Variants in CPEB3 observed in about 807,000 individuals in gnomAD.
CPEB3 encodes cytoplasmic polyadenylation element binding protein 3, also known as cytoplasmic polyadenylation element-binding protein 3.
A neutral mutation model predicts 67.2 loss-of-function variants in CPEB3; 20 were observed. The observed-to-expected ratio is 0.30, with a 90% CI of 0.21 to 0.43. The LOEUF (loss-of-function observed/expected upper bound fraction) is 0.43, where lower values mean the gene tolerates loss of function less well. Among genes scored for constraint, CPEB3 ranks in the 20% least tolerant of loss-of-function variants. The pLI is 1.00. For synonymous variants in CPEB3, 376 were observed against 393.1 expected (o/e 0.96, Z 0.51); for missense variants, 746 against 968.6 (o/e 0.77, Z 3.05).
chr10:92,133,754 C>A (rs540353861), intron 6 of CPEB3, among the ~76,000 whole-genome samples: 1 of 152,122 alleles, frequency 6.6e-6, no homozygotes, highest in Non-Finnish European at 1.5e-5. Context: ...AATATGGATG[C>A]GAAAATCCTC....
Position 92,239,856 on chromosome 10 carries a change from CTGCTGGTGG to C in CPEB3, c.486_494del (p.His162_Gln164del). ...GCGGCGCGGGCGCAGGCGGCGGCGG[CTGCTGGTGG>C]TGCTGGGTCTGCGCCAGGCCGATCT... is the stretch of plus-strand genomic sequence containing the variant. On this transcript the variant is annotated inframe_deletion, in exon 2 of 10. Coordinates refer to ENST00000265997, the MANE Select transcript of CPEB3 (RefSeq NM_014912.5). This position sits in a 1 kb window ranked among gnomAD's most constrained non-coding sequence, Gnocchi z 6.0. The C allele has an allele frequency of 6.5e-7, 1 of 1,545,848 alleles. No homozygotes were observed. The highest frequency in any genetic ancestry group is 8.7e-7 in the Non-Finnish European group (1 of 1,147,826).
At chr10:92,214,738 G>A (rs1329800205) in intron 2 of CPEB3, among the ~76,000 whole-genome samples, 5 of 151,882 alleles carry the variant, frequency 3.3e-5, no homozygotes, top group Non-Finnish European at 7.4e-5. Flanking sequence ...CGCCCACCTC[G>A]GCCTCTCAAA....
chr10:92,120,307 G>A (rs56345827), intron 6 of CPEB3, among the ~76,000 whole-genome samples: 57,063 of 147,002 alleles, frequency 0.39, 11,420 homozygotes, highest in African/African-American at 0.52. Context: ...TTGCTAGGCC[G>A]GGCACGGTGG....
intron 1 of CPEB3, among the ~76,000 whole-genome samples, chr10:92,284,888 T>C (rs1469822257): frequency 1.3e-5 from 2 of 152,232 alleles, no homozygotes; most frequent in African/African-American, 4.8e-5. Context: ...GTTTTTTAAC[T>C]ATTCTCCCGA....
chr10:92,223,522 A>G (rs1850798248), intron 2 of CPEB3, among the ~76,000 whole-genome samples: 1 of 146,296 alleles, frequency 6.8e-6, no homozygotes, highest in Non-Finnish European at 1.5e-5. Flanking sequence ...TATTTCCTAC[A>G]TGCAAGTAAT....
intron 1 of CPEB3, among the ~76,000 whole-genome samples, chr10:92,286,278 T>C (rs780547368): frequency 6.6e-6 from 1 of 151,960 alleles, no homozygotes; most frequent in Non-Finnish European, 1.5e-5. Context: ...GTATGTAGAT[T>C]GTATGCCTCT....
Position 92,176,615 on chromosome 10 carries a change from T to C in CPEB3, c.1222+4348A>G, listed in dbSNP as rs1590309998. ...CTATCAAGCAACTTTCCGATATTTA[T>C]CTGTTTTCCCAAGCCCATTTTCTAC... is the stretch of plus-strand genomic sequence containing the variant. On this transcript the variant is annotated intron_variant, in intron 4 of 9. Transcript: ENST00000265997. Among the ~76,000 whole-genome samples the C allele has an allele frequency of 4.6e-5, 7 of 152,380 alleles. 1 individual carries two copies. The South Asian group carries it at 1.4e-3, about 32-fold the overall frequency.
intron 1 of CPEB3, among the ~76,000 whole-genome samples, chr10:92,248,687 AT>A (rs1341870121): frequency 2.0e-5 from 3 of 152,156 alleles, no homozygotes; most frequent in African/African-American, 7.2e-5. Context: ...ATAGAAAACC[AT>A]TTTGGCTTTT....
intron 4 of CPEB3, among the ~76,000 whole-genome samples, chr10:92,168,726 AT>A (rs1199553734): frequency 1.3e-5 from 2 of 150,736 alleles, no homozygotes; most frequent in Non-Finnish European, 2.9e-5. Context: ...CCCTTCTGCC[AT>A]GATTGTAAGT....
chr10:92,196,533 T>A (rs2134206734), intron 2 of CPEB3, among the ~76,000 whole-genome samples: 1 of 151,894 alleles, frequency 6.6e-6, no homozygotes, highest in South Asian at 2.1e-4. Flanking sequence ...CTTCAGGAGG[T>A]CAAGGCGGGT....
chr10:92,109,769 C>T (rs979499393), intron 7 of CPEB3, among the ~76,000 whole-genome samples: 3 of 152,178 alleles, frequency 2.0e-5, no homozygotes, highest in Admixed American at 1.3e-4. Context: ...GTTCTTTCTT[C>T]TGCTTTAAGT....
intron 2 of CPEB3, among the ~76,000 whole-genome samples, chr10:92,205,661 G>A (rs546893984): frequency 6.6e-6 from 1 of 151,812 alleles, no homozygotes; most frequent in African/African-American, 2.4e-5. Flanking sequence ...ATTTTTAGTA[G>A]AGACAGGATT....
chr10:92,109,346 G>A (rs978835627), intron 7 of CPEB3, among the ~76,000 whole-genome samples: 8 of 151,694 alleles, frequency 5.3e-5, no homozygotes, highest in African/African-American at 1.9e-4. Context: ...TCCGCCTCCT[G>A]GGTTCAAGCG....
intron 4 of CPEB3, among the ~76,000 whole-genome samples, chr10:92,149,860 G>A (rs1846876865): frequency 1.3e-5 from 2 of 152,168 alleles, no homozygotes; most frequent in Non-Finnish European, 2.9e-5. Context: ...TGATTCCTAT[G>A]CTCAAGTTTA....
Position 92,051,232 on chromosome 10 carries a change from A to G in CPEB3, c.*980T>C, listed in dbSNP as rs1841887005. 1 of 152,638 alleles carries G rather than the reference A, an allele frequency of 6.6e-6. No individual in the cohort carries two copies. The highest frequency in any genetic ancestry group is 6.5e-5 in the Admixed American group (1 of 15,280). 9.5% of individuals were successfully genotyped at this position (152,638 alleles called of 1,614,324 possible). A position where few individuals can be genotyped will look rare whatever the true frequency, so the allele number is the denominator to read the frequency against. ...TCTTTGAATGAAAAAAACTTTTTTT[A>G]AAAAATGAGTATTTTTATAGCTTAT... On this transcript the variant is annotated 3_prime_UTR_variant, in exon 10 of 10. Transcript: ENST00000265997.
At chr10:92,211,490 A>C (rs774190779) in intron 2 of CPEB3, among the ~76,000 whole-genome samples, 11 of 152,220 alleles carry the variant, frequency 7.2e-5, no homozygotes, top group Non-Finnish European at 1.5e-4. Context: ...CAAACTATCT[A>C]AGCTCAAATT....
chr10:92,094,459 G>C (rs552881884), intron 7 of CPEB3, among the ~76,000 whole-genome samples: 1 of 151,890 alleles, frequency 6.6e-6, no homozygotes, highest in Non-Finnish European at 1.5e-5. Flanking sequence ...AAAATTAGCC[G>C]GGCGTGGTAG....
At chr10:92,199,515 AC>A (rs1287849308) in intron 2 of CPEB3, among the ~76,000 whole-genome samples, 6 of 151,452 alleles carry the variant, frequency 4.0e-5, no homozygotes, top group African/African-American at 1.5e-4. Flanking sequence ...ACACGGTGAA[AC>A]CCCGTCTATA....
At chr10:92,194,165 G>A (rs1357221616) in intron 2 of CPEB3, among the ~76,000 whole-genome samples, 5 of 151,778 alleles carry the variant, frequency 3.3e-5, no homozygotes, top group African/African-American at 7.3e-5. Context: ...AATGTGGCCA[G>A]GCGCAGTGGC....
Sources: allele counts gnomAD v4.1 joint callset (sites outside exome capture counted in the v4.1 genomes callset), GRCh38; gene constraint gnomAD v4.1.1; non-coding constraint Gnocchi (gnomAD v3.1); transcripts MANE v1.5; gene names NCBI Gene and HGNC (gene_info 2026-07-23, HGNC 2026-07-21).